The following CTH variants were observed in gnomAD, a reference collection of about 807,000 sequenced individuals.
CTH encodes the protein cystathionine gamma-lyase.
A neutral mutation model predicts 50.6 loss-of-function variants in CTH; 41 were observed. The observed-to-expected ratio is 0.81, with a 90% CI of 0.63 to 1.05. The LOEUF (loss-of-function observed/expected upper bound fraction) is 1.05. CTH is among the 50% of genes least tolerant of loss of function. The probability of loss-of-function intolerance (pLI) is 0.00; values close to 1 mark genes in which losing one functional copy is unlikely to be tolerated. For missense variants in CTH, 470 were observed against 492.6 expected (o/e 0.95, Z 0.43); for synonymous variants, 156 against 168.9 (o/e 0.92, Z 0.59).
intron 8 of CTH, among the ~76,000 whole-genome samples, chr1:70,432,675 T>G (rs1170338235): frequency 7.7e-6 from 1 of 130,500 alleles, no homozygotes; most frequent in Non-Finnish European, 1.6e-5. Context: ...TGAGGTTCTC[T>G]CTCTCTCTTT....
At chr1:70,425,496 A>G (rs1684327944) in intron 5 of CTH, among the ~76,000 whole-genome samples, 1 of 152,206 alleles carries the variant, frequency 6.6e-6, no homozygotes, top group South Asian at 2.1e-4. Flanking sequence ...CTCTTTTATC[A>G]GGGCACTGTA....
At chr1:70,418,595 C>T (rs1170850561) in intron 3 of CTH, among the ~76,000 whole-genome samples, 5 of 152,156 alleles carry the variant, frequency 3.3e-5, no homozygotes, top group African/African-American at 4.8e-5. Context: ...AGAATGAATA[C>T]GTAGCACTTG....
In CTH at chr1:70,416,645, C is replaced by A. The variant is rs1250462753; in HGVS notation, c.250+608C>A. 2.0e-5 allele frequency among the ~76,000 whole-genome samples: 3 copies of A among 150,670 alleles called. No individual in the cohort carries two copies. The East Asian group carries it at 5.9e-4, about 29-fold the overall frequency. On this transcript the variant is annotated intron_variant, in intron 2 of 11. Transcript: ENST00000370938. ...ATGGCAGGATCTCGGCTCACTGCAA[C>A]CTCCGCCTCCTGGATTCAAGCAATT...
chr1:70,420,685 A>G (rs1291008543), intron 3 of CTH, among the ~76,000 whole-genome samples: 1 of 152,152 alleles, frequency 6.6e-6, no homozygotes, highest in East Asian at 1.9e-4. Context: ...TATCCCTCAG[A>G]AATTTGCACA....
At chr1:70,411,869 T>G (rs2101722678) in intron 1 of CTH, among the ~76,000 whole-genome samples, 1 of 152,260 alleles carries the variant, frequency 6.6e-6, no homozygotes, top group South Asian at 2.1e-4. Flanking sequence ...AAATCGAAGG[T>G]CATAACTTTT....
chr1:70,414,823 A>AT (rs55649842), intron 1 of CTH, among the ~76,000 whole-genome samples: 38,417 of 149,166 alleles, frequency 0.26, 5,391 homozygotes, highest in Admixed American at 0.37. Context: ...GAATAATGCA[A>AT]TTTTTTTTTT....
chr1:70,433,074 T>C (rs1296393106), intron 8 of CTH, among the ~76,000 whole-genome samples: 2 of 152,174 alleles, frequency 1.3e-5, no homozygotes, highest in Non-Finnish European at 2.9e-5. Flanking sequence ...TTGGCTGACT[T>C]ACATCTTACT....
Position 70,439,194 on chromosome 1 carries a change from C to A in CTH, c.*67C>A. 8 of 1,472,470 alleles carry A rather than the reference C, an allele frequency of 5.4e-6. No homozygotes were observed. Among genetic ancestry groups the A allele is most frequent in the African/African-American group, 1.4e-5 (1 of 72,204 alleles). The allele number at this position is 1,472,470 out of a possible 1,614,324, so 91.2% of individuals were successfully genotyped here. A position where few individuals can be genotyped will look rare whatever the true frequency, so the allele number is the denominator to read the frequency against. On this transcript the variant is annotated 3_prime_UTR_variant, in exon 12 of 12. Coordinates refer to ENST00000370938, the MANE Select transcript of CTH (RefSeq NM_001902.6). ...AAATCTTCCTGAGTAATTAAATGGACCAACAATGAGCCTTTGCAAAATTTT... is the reference window on the plus strand; with the variant it reads ...AAATCTTCCTGAGTAATTAAATGGAACAACAATGAGCCTTTGCAAAATTTT...
intron 3 of CTH, among the ~76,000 whole-genome samples, chr1:70,419,414 G>C (rs1006207067): frequency 2.6e-5 from 4 of 152,146 alleles, no homozygotes; most frequent in African/African-American, 9.7e-5. Flanking sequence ...CTTCTACAAT[G>C]GTTGAACTAG....
At position 70,438,729 on chromosome 1, in the gene CTH, A is replaced by T; in HGVS notation, c.1094A>T (p.Asp365Val). ...GCATCAGTTCTTAAGAATGACAGAG[A>T]TGTCCTTGGAATTAGTGACACACTG... The part of the protein sequence containing the change: ...THASVLKNDR[D>V]VLGISDTLIR... The change falls in exon 11 of 12, where the codon GAT becomes GTT. Residue 365 changes from aspartate to valine, a missense_variant. Asp to Val is a radical substitution (Grantham distance 152). Transcript: ENST00000370938. The T allele has an allele frequency of 6.2e-7, 1 of 1,614,054 alleles. No homozygotes were observed. The highest frequency in any genetic ancestry group is 8.5e-7 in the Non-Finnish European group (1 of 1,180,004).
At chr1:70,415,361 C>T (rs1037634900) in intron 1 of CTH, among the ~76,000 whole-genome samples, 12 of 151,770 alleles carry the variant, frequency 7.9e-5, no homozygotes, top group African/African-American at 2.4e-4. Flanking sequence ...CTATGATTGC[C>T]CCACCGTACT....
chr1:70,434,644 C>A (rs2101757745), intron 9 of CTH, among the ~76,000 whole-genome samples: 1 of 150,068 alleles, frequency 6.7e-6, no homozygotes, highest in Middle Eastern at 3.4e-3. Flanking sequence ...GGATGTATTT[C>A]ATAAGTGATA....
chr1:70,434,086 T>A (rs1684543422), intron 9 of CTH, 137 bp downstream of exon 9: 2 of 1,473,744 alleles, frequency 1.4e-6, no homozygotes, highest in South Asian at 2.5e-5. Context: ...ATGAAATGCA[T>A]TGGGTTGAAA....
chr1:70,413,371 C>G (rs1489990042), intron 1 of CTH, among the ~76,000 whole-genome samples: 4 of 151,452 alleles, frequency 2.6e-5, no homozygotes. Context: ...TCAAGCGATT[C>G]TCCGGCCTCA....
chr1:70,431,578 C>G (rs1351353786), intron 7 of CTH, among the ~76,000 whole-genome samples: 1 of 152,200 alleles, frequency 6.6e-6, no homozygotes, highest in East Asian at 1.9e-4. Context: ...GAAACTGAAA[C>G]TTATTGCTTG....
In CTH at chr1:70,415,711, G is replaced by T. The variant is rs111692112; in HGVS notation, c.169-245G>T. 5.0e-3 allele frequency among the ~76,000 whole-genome samples: 763 copies of T among 152,314 alleles called. 6 individuals are homozygous for T. Among genetic ancestry groups the T allele is most frequent in the African/African-American group, 0.018 (735 of 41,572 alleles). ...GATATTGAGATTGACTCTTGGAAAT[G>T]TGAAGTAACTTACCTAGTGTCATGC... On this transcript the variant is annotated intron_variant, in intron 1 of 11. Transcript: ENST00000370938.
chr1:70,412,709 C>G (rs959783881), intron 1 of CTH, among the ~76,000 whole-genome samples: 1 of 152,188 alleles, frequency 6.6e-6, no homozygotes, highest in African/African-American at 2.4e-5. Flanking sequence ...GTTAACCTAT[C>G]AAAACCTCTG....
intron 10 of CTH, among the ~76,000 whole-genome samples, chr1:70,437,954 T>C (rs1007607166): frequency 6.6e-6 from 1 of 152,210 alleles, no homozygotes; most frequent in Non-Finnish European, 1.5e-5. Context: ...TTTGGCATTG[T>C]TTATATAGAC....
chr1:70,411,369 T>C lies in CTH; in HGVS notation c.-47T>C. The C allele has an allele frequency of 6.2e-7, 1 of 1,608,790 alleles. No individual in the cohort carries two copies. The highest frequency in any genetic ancestry group is 8.5e-7 in the Non-Finnish European group (1 of 1,175,206). ...ACCCCGGACACCCGGCTTCGACTGG[T>C]TATATCTTCGGTGTTCTTTTCCTCT... On this transcript the variant is annotated 5_prime_UTR_variant, in exon 1 of 12. Transcript: ENST00000370938.
Sources: allele counts gnomAD v4.1 joint callset (sites outside exome capture counted in the v4.1 genomes callset), GRCh38; gene constraint gnomAD v4.1.1; transcripts MANE v1.5; gene names NCBI Gene and HGNC (gene_info 2026-07-23, HGNC 2026-07-21).